The following SPATA31H1 variants were observed in gnomAD, a reference collection of about 807,000 sequenced individuals.
SPATA31H1 encodes SPATA31 subfamily H member 1, also known as spermatogenesis-associated protein 31H1.
the SPATA31H1 span, among the ~76,000 whole-genome samples, chr2:27,545,583 T>C: frequency 6.6e-6 from 1 of 150,992 alleles, no homozygotes; most frequent in East Asian, 1.9e-4. Flanking sequence ...CTTTTTCTTT[T>C]TTTTTTTTTT....
chr2:27,576,037 C>T, the SPATA31H1 span: 95 of 398,582 alleles, frequency 2.4e-4, no homozygotes, highest in African/African-American at 1.5e-3. Context: ...CTTCTACGTG[C>T]AGCACCTATG....
At chr2:27,572,745 G>T in the SPATA31H1 span, 10 of 397,496 alleles carry the variant, frequency 2.5e-5, no homozygotes, top group African/African-American at 1.7e-4. Flanking sequence ...ACAATCTCAA[G>T]GTGTCAAACC....
the SPATA31H1 span, chr2:27,578,573 A>T: frequency 6.2e-7 from 1 of 1,613,852 alleles, no homozygotes; most frequent in Non-Finnish European, 8.5e-7. Flanking sequence ...CACCGCAAAC[A>T]TCTCCATTTG....
chr2:27,569,143 A>G, the SPATA31H1 span: 1 of 398,994 alleles, frequency 2.5e-6, no homozygotes. Flanking sequence ...CAACTTGGAA[A>G]AGCAATGGGG....
At chr2:27,572,264 T>C in the SPATA31H1 span, 1 of 398,442 alleles carries the variant, frequency 2.5e-6, no homozygotes, top group African/African-American at 2.1e-5. Context: ...TGGGCTCGAC[T>C]GTAGAGCCAC....
the SPATA31H1 span, chr2:27,567,465 A>T: frequency 2.4e-6 from 1 of 424,940 alleles, no homozygotes; most frequent in Non-Finnish European, 4.2e-6. Context: ...TATCAACAAC[A>T]AATCCTCAGA....
the SPATA31H1 span, among the ~76,000 whole-genome samples, chr2:27,540,009 C>G: frequency 1.6e-5 from 2 of 125,058 alleles, no homozygotes; most frequent in African/African-American, 6.5e-5. Context: ...GCTGGCCGGG[C>G]GGGGGGCTGA....
chr2:27,560,039 C>T, the SPATA31H1 span, among the ~76,000 whole-genome samples: 1 of 150,504 alleles, frequency 6.6e-6, no homozygotes, highest in African/African-American at 2.4e-5. Flanking sequence ...GGCTAATTTT[C>T]GTATTTTTAG....
chr2:27,551,053 TAA>T, the SPATA31H1 span, among the ~76,000 whole-genome samples: 1 of 151,922 alleles, frequency 6.6e-6, no homozygotes, highest in East Asian at 1.9e-4. Flanking sequence ...CATACTCGGC[TAA>T]GTTTTTGTAT....
the SPATA31H1 span, among the ~76,000 whole-genome samples, chr2:27,561,934 C>G: frequency 6.6e-6 from 1 of 152,240 alleles, no homozygotes; most frequent in Non-Finnish European, 1.5e-5. Context: ...CTCCTGAGCT[C>G]AAGCAATCTG....
chr2:27,573,553 T>G, the SPATA31H1 span: 1 of 398,518 alleles, frequency 2.5e-6, no homozygotes, highest in African/African-American at 2.1e-5. Flanking sequence ...CTCAAACCTA[T>G]TGCTTTGAAA....
the SPATA31H1 span, among the ~76,000 whole-genome samples, chr2:27,542,121 G>A: frequency 6.6e-6 from 1 of 152,028 alleles, no homozygotes; most frequent in Non-Finnish European, 1.5e-5. Context: ...TTCTGGCTGG[G>A]CGCGGTGGCT....
At chr2:27,562,685 G>C in the SPATA31H1 span, among the ~76,000 whole-genome samples, 771 of 151,660 alleles carry the variant, frequency 5.1e-3, 8 homozygotes, top group African/African-American at 0.018. Flanking sequence ...AGGAGTTTGA[G>C]TTCGAGACCA....
the SPATA31H1 span, chr2:27,577,046 A>G: frequency 1.2e-6 from 2 of 1,614,170 alleles, no homozygotes; most frequent in Non-Finnish European, 1.7e-6. The surrounding 1 kb of genome is among the most constrained non-coding windows in gnomAD (Gnocchi z 4.5). Flanking sequence ...ATCACGCCAC[A>G]GAATCTTCAG....
chr2:27,540,295 C>T, the SPATA31H1 span, among the ~76,000 whole-genome samples: 1 of 121,704 alleles, frequency 8.2e-6, no homozygotes, highest in Non-Finnish European at 1.8e-5. Context: ...CCCTCCCGGA[C>T]GGGGCGGCTG....
the SPATA31H1 span, chr2:27,580,019 G>C: frequency 6.2e-7 from 1 of 1,614,112 alleles, no homozygotes; most frequent in Admixed American, 1.7e-5. Flanking sequence ...TCTATCCACA[G>C]CTCCACCTTG....
the SPATA31H1 span, among the ~76,000 whole-genome samples, chr2:27,562,458 C>A: frequency 6.7e-6 from 1 of 150,366 alleles, no homozygotes; most frequent in African/African-American, 2.5e-5. Context: ...CTGTAGTGAG[C>A]CATGATCATG....
At chr2:27,581,011 A>G in the SPATA31H1 span, 1 of 1,614,066 alleles carries the variant, frequency 6.2e-7, no homozygotes. Flanking sequence ...ACTGTTCAAA[A>G]GGACAGTAGT....
At chr2:27,565,639 A>G in the SPATA31H1 span, among the ~76,000 whole-genome samples, 224 of 152,346 alleles carry the variant, frequency 1.5e-3, 4 homozygotes, top group East Asian at 0.04. Flanking sequence ...GGTATTGGGA[A>G]GGAAACTTGG....
Sources: allele counts gnomAD v4.1 joint callset (sites outside exome capture counted in the v4.1 genomes callset), GRCh38; gene constraint gnomAD v4.1.1; non-coding constraint Gnocchi (gnomAD v3.1); transcripts MANE v1.5; gene names NCBI Gene and HGNC (gene_info 2026-07-23, HGNC 2026-07-21).